B3GALT1: variants seen among roughly 807,000 people sequenced by gnomAD.
B3GALT1 encodes beta-1,3-galactosyltransferase 1.
A neutral mutation model predicts 23.2 loss-of-function variants in B3GALT1; 10 were observed. That is an observed-to-expected ratio of 0.43 (90% confidence interval 0.27 to 0.73). B3GALT1 has a LOEUF of 0.73. B3GALT1 is among the 30% of genes least tolerant of loss of function. The pLI is 0.21. For synonymous variants in B3GALT1, 156 were observed against 141.5 expected (o/e 1.10, Z -0.73); for missense variants, 299 against 405.4 (o/e 0.74, Z 2.25).
chr2:167,312,200 A>G (rs979724639), intron 1 of B3GALT1, among the ~76,000 whole-genome samples: 2 of 152,006 alleles, frequency 1.3e-5, no homozygotes, highest in African/African-American at 4.8e-5. Flanking sequence ...ATTATCCCAG[A>G]GACGTAGGAA....
intron 1 of B3GALT1, among the ~76,000 whole-genome samples, chr2:167,481,943 G>A (rs951333183): frequency 1.3e-5 from 2 of 152,110 alleles, no homozygotes; most frequent in African/African-American, 2.4e-5. Context: ...GAGATTAAAA[G>A]TCTCTTTTAA....
At chr2:167,677,921 G>A (rs1296217307) in intron 3 of B3GALT1, among the ~76,000 whole-genome samples, 8 of 152,108 alleles carry the variant, frequency 5.3e-5, no homozygotes, top group African/African-American at 9.7e-5. Flanking sequence ...TTATAAAACC[G>A]TCAGATCTTG....
At chr2:167,596,473 A>G (rs747910754) in intron 2 of B3GALT1, among the ~76,000 whole-genome samples, 9 of 152,194 alleles carry the variant, frequency 5.9e-5, no homozygotes, top group South Asian at 4.1e-4. Flanking sequence ...TCCAAGTCTC[A>G]TTGTTCTCAT....
chr2:167,766,472 A>G (rs1313477641), intron 3 of B3GALT1, among the ~76,000 whole-genome samples: 1 of 152,190 alleles, frequency 6.6e-6, no homozygotes, highest in African/African-American at 2.4e-5. Context: ...GACGTTCAAG[A>G]CACTTTTGTA....
chr2:167,457,999 A>G (rs1424242132), intron 1 of B3GALT1, among the ~76,000 whole-genome samples: 1 of 152,236 alleles, frequency 6.6e-6, no homozygotes, highest in Non-Finnish European at 1.5e-5. Context: ...ACAATTTTAC[A>G]GTATGCAATT....
chr2:167,785,582 G>A (rs530571622), intron 3 of B3GALT1, among the ~76,000 whole-genome samples: 69 of 152,304 alleles, frequency 4.5e-4, no homozygotes, highest in African/African-American at 1.5e-3. Context: ...GATGGACACC[G>A]TGGTGTATGG....
At chr2:167,424,512 T>C (rs1378183568) in intron 1 of B3GALT1, among the ~76,000 whole-genome samples, 1 of 152,140 alleles carries the variant, frequency 6.6e-6, no homozygotes, top group African/African-American at 2.4e-5. Flanking sequence ...AGCTTTTTTT[T>C]CCCACCTTGA....
intron 3 of B3GALT1, among the ~76,000 whole-genome samples, chr2:167,661,635 C>T (rs1352169556): frequency 6.6e-6 from 1 of 152,060 alleles, no homozygotes; most frequent in African/African-American, 2.4e-5. Flanking sequence ...TATCTCTAGA[C>T]ATTGTCTAAT....
chr2:167,807,228 A>G (rs148864817), intron 3 of B3GALT1, among the ~76,000 whole-genome samples: 9,800 of 151,896 alleles, frequency 0.065, 612 homozygotes, highest in African/African-American at 0.15. Flanking sequence ...AGTCTTGCTA[A>G]CGGTCTATCA....
At chr2:167,677,020 T>C (rs759234370) in intron 3 of B3GALT1, among the ~76,000 whole-genome samples, 1 of 152,108 alleles carries the variant, frequency 6.6e-6, no homozygotes, top group Non-Finnish European at 1.5e-5. Flanking sequence ...TTTAAGAAAG[T>C]CAAATATGTA....
At chr2:167,325,670 T>G (rs1421622814) in intron 1 of B3GALT1, among the ~76,000 whole-genome samples, 2 of 151,596 alleles carry the variant, frequency 1.3e-5, no homozygotes, top group African/African-American at 2.4e-5. Context: ...TAGTTCTGTT[T>G]TTAGTTTTTT....
At chr2:167,856,676 T>G (rs1353713409) in intron 4 of B3GALT1, among the ~76,000 whole-genome samples, 1 of 152,180 alleles carries the variant, frequency 6.6e-6, no homozygotes, top group African/African-American at 2.4e-5. Context: ...AGTTGTATGC[T>G]TTACTGAGAA....
chr2:167,754,799 A>G (rs976625474), intron 3 of B3GALT1, among the ~76,000 whole-genome samples: 1 of 152,222 alleles, frequency 6.6e-6, no homozygotes, highest in African/African-American at 2.4e-5. Context: ...CTGCAGTTAC[A>G]AAGACCAAGG....
intron 3 of B3GALT1, among the ~76,000 whole-genome samples, chr2:167,686,131 A>T (rs1686613428): frequency 6.6e-6 from 1 of 152,212 alleles, no homozygotes; most frequent in South Asian, 2.1e-4. Context: ...AAAATTAAAG[A>T]TAGAAAGATT....
chr2:167,838,354 G>T lies in B3GALT1; in HGVS notation c.-230+19561G>T, dbSNP rs1379733945. Among the ~76,000 whole-genome samples, 3 of 152,104 alleles carry T rather than the reference G, an allele frequency of 2.0e-5. No homozygotes were observed. The South Asian group carries it at 6.2e-4, about 31-fold the overall frequency. On this transcript the variant is annotated intron_variant, in intron 4 of 4. Coordinates refer to ENST00000392690, the MANE Select transcript of B3GALT1 (RefSeq NM_020981.4). ...AAATGATAAAGGGGATATCACCACC[G>T]ATCCCACAGAAATACAAACTACCAT...
chr2:167,301,437 A>G (rs946110990), intron 1 of B3GALT1, among the ~76,000 whole-genome samples: 5 of 152,230 alleles, frequency 3.3e-5, no homozygotes, highest in Admixed American at 1.3e-4. Flanking sequence ...TCAAATTCCT[A>G]GAATAGAAAG....
chr2:167,733,200 ACATT>A (rs1181178250), intron 3 of B3GALT1, among the ~76,000 whole-genome samples: 5 of 152,060 alleles, frequency 3.3e-5, no homozygotes, highest in Non-Finnish European at 7.4e-5. Context: ...GGATACCTTA[ACATT>A]CTCTGACATG....
At chr2:167,508,816 C>T (rs1699961657) in intron 2 of B3GALT1, among the ~76,000 whole-genome samples, 1 of 151,592 alleles carries the variant, frequency 6.6e-6, no homozygotes, top group African/African-American at 2.4e-5. Flanking sequence ...ATTTAGCAAA[C>T]ACACATTCAA....
intron 3 of B3GALT1, among the ~76,000 whole-genome samples, chr2:167,669,442 A>T (rs1408793561): frequency 6.6e-6 from 1 of 152,204 alleles, no homozygotes; most frequent in Non-Finnish European, 1.5e-5. Flanking sequence ...AAACGAAGAA[A>T]TCAGATATGG....
Sources: gnomAD v4.1 joint callset for allele counts (sites outside exome capture counted in the v4.1 genomes callset) on GRCh38, gnomAD v4.1.1 for gene constraint, MANE v1.5 for transcripts, NCBI Gene and HGNC (gene_info 2026-07-23, HGNC 2026-07-21) for gene names.